The following FAM178B variants were observed in gnomAD, a reference collection of about 807,000 sequenced individuals.
FAM178B encodes family with sequence similarity 178 member B.
FAM178B carries 82 observed loss-of-function variants against 91.7 expected under a neutral mutation model. That is an observed-to-expected ratio of 0.89 (90% CI 0.75 to 1.07). FAM178B has a LOEUF of 1.07. Ranked by LOEUF, FAM178B falls within the 50% of genes least tolerant of loss-of-function variation. The probability of loss-of-function intolerance (pLI) is 0.00; values close to 1 mark genes in which losing one functional copy is unlikely to be tolerated. For missense variants in FAM178B, 769 were observed against 846.7 expected (o/e 0.91, Z 1.14); for synonymous variants, 368 against 359.4 (o/e 1.02, Z -0.27).
chr2:96,975,166 A>G (rs1259862091), intron 1 of FAM178B, among the ~76,000 whole-genome samples: 1 of 151,984 alleles, frequency 6.6e-6, no homozygotes, highest in Non-Finnish European at 1.5e-5. Flanking sequence ...AAAGAACAAA[A>G]AACTTCTGTC....
chr2:96,914,827 C>G (rs2081215087), intron 12 of FAM178B, among the ~76,000 whole-genome samples: 1 of 152,166 alleles, frequency 6.6e-6, no homozygotes, highest in Non-Finnish European at 1.5e-5. Context: ...GAGGTCGAAG[C>G]TGCAGTGAGC....
chr2:96,936,714 T>C (rs1244543981), intron 8 of FAM178B, among the ~76,000 whole-genome samples: 2 of 152,050 alleles, frequency 1.3e-5, no homozygotes, highest in African/African-American at 4.8e-5. Flanking sequence ...TTTTGCCATG[T>C]TGGCCAGGCT....
At chr2:96,935,338 G>A (rs1038485135) in intron 8 of FAM178B, among the ~76,000 whole-genome samples, 1 of 152,184 alleles carries the variant, frequency 6.6e-6, no homozygotes, top group Non-Finnish European at 1.5e-5. Context: ...GCTGTTCTTA[G>A]CATGTGCCTC....
intron 10 of FAM178B, 126 bp from the exon 11 acceptor site, chr2:96,921,780 G>A (rs1168575762): frequency 8.3e-6 from 8 of 964,826 alleles, no homozygotes; most frequent in Non-Finnish European, 1.2e-5. Flanking sequence ...GCCATGTTGG[G>A]TAGGAGCTCA....
At chr2:96,928,191 G>A (rs866523185) in intron 9 of FAM178B, among the ~76,000 whole-genome samples, 1 of 152,148 alleles carries the variant, frequency 6.6e-6, no homozygotes, top group African/African-American at 2.4e-5. Flanking sequence ...ACCTCCTGGC[G>A]CTGACGGATT....
intron 8 of FAM178B, among the ~76,000 whole-genome samples, chr2:96,941,124 A>T (rs1016702352): frequency 5.9e-5 from 9 of 152,254 alleles, no homozygotes; most frequent in African/African-American, 1.7e-4. Flanking sequence ...TTGTGTATTC[A>T]TTTTGTGCCG....
At chr2:96,895,803 C>T (rs984861308) in intron 13 of FAM178B, among the ~76,000 whole-genome samples, 4 of 152,250 alleles carry the variant, frequency 2.6e-5, no homozygotes, top group Non-Finnish European at 5.9e-5. Flanking sequence ...CTGGCTGGCA[C>T]ACCTGGCTTC....
At chr2:96,922,830 C>T (rs967619663) in intron 10 of FAM178B, among the ~76,000 whole-genome samples, 11 of 151,890 alleles carry the variant, frequency 7.2e-5, no homozygotes, top group African/African-American at 2.2e-4. Context: ...TCAGCCTCCA[C>T]GCCTGGCTAA....
At chr2:96,881,537 G>C (rs1247024530) in intron 14 of FAM178B, among the ~76,000 whole-genome samples, 2 of 152,034 alleles carry the variant, frequency 1.3e-5, no homozygotes, top group Admixed American at 6.6e-5. Flanking sequence ...TGGGCTCTCG[G>C]GGGAGTCTCT....
At chr2:96,890,362 GC>G (rs1479757282) in intron 14 of FAM178B, among the ~76,000 whole-genome samples, 1 of 152,178 alleles carries the variant, frequency 6.6e-6, no homozygotes, top group Admixed American at 6.5e-5. Context: ...TACTTGGGAC[GC>G]TGAGGTAGGA....
chr2:96,889,635 G>A (rs1274742631), intron 14 of FAM178B, among the ~76,000 whole-genome samples: 2 of 151,056 alleles, frequency 1.3e-5, no homozygotes, highest in East Asian at 1.9e-4. Flanking sequence ...CCAAGATTGT[G>A]CCATTGCACT....
At chr2:96,914,985 G>T (rs928399911) in intron 12 of FAM178B, among the ~76,000 whole-genome samples, 1 of 152,136 alleles carries the variant, frequency 6.6e-6, no homozygotes, top group African/African-American at 2.4e-5. Flanking sequence ...GGGCAGGGGT[G>T]GGGGGCAATG....
At chr2:96,977,056 G>A (rs1049787681) in intron 1 of FAM178B, among the ~76,000 whole-genome samples, 10 of 150,364 alleles carry the variant, frequency 6.7e-5, no homozygotes, top group African/African-American at 2.4e-4. Context: ...TTAGCTGGGC[G>A]TGGTGGCAGG....
chr2:96,977,428 C>T (rs1035263268), intron 1 of FAM178B, among the ~76,000 whole-genome samples: 36 of 143,206 alleles, frequency 2.5e-4, no homozygotes, highest in East Asian at 2.2e-3. Flanking sequence ...AAAAGAAAAA[C>T]GTGAACGACC....
intron 4 of FAM178B, among the ~76,000 whole-genome samples, chr2:96,970,463 G>C (rs2082202092): frequency 6.6e-6 from 1 of 152,204 alleles, no homozygotes; most frequent in South Asian, 2.1e-4. Context: ...GGCAGGAGTT[G>C]GGCAGAATGG....
In FAM178B at chr2:96,902,611, A is replaced by C. The variant is rs2080955333; in HGVS notation, c.1650+9T>G. The C allele has an allele frequency of 1.3e-6, 2 of 1,546,988 alleles. No individual in the cohort carries two copies. Among genetic ancestry groups the C allele is most frequent in the South Asian group, 1.2e-5 (1 of 83,960 alleles). On this transcript the variant is annotated intron_variant, in intron 13 of 16. Transcript: ENST00000490605. ...GGCCTTCCTGCCCAGGCCTGAAGCA[A>C]ACACTCACCTGGGTCTTCTCTTGCC...
At chr2:96,960,213 C>T in intron 6 of FAM178B, 75 bp downstream of exon 6, 1 of 1,502,822 alleles carries the variant, frequency 6.7e-7, no homozygotes, top group Non-Finnish European at 8.9e-7. Flanking sequence ...TGGGGTGGCC[C>T]TTATCCCTGG....
chr2:96,905,733 T>A (rs1232427100), intron 12 of FAM178B, among the ~76,000 whole-genome samples: 2 of 144,052 alleles, frequency 1.4e-5, no homozygotes, highest in Non-Finnish European at 3.0e-5. Context: ...GGTTGGGAGT[T>A]CAAGACCAGC....
intron 16 of FAM178B, among the ~76,000 whole-genome samples, chr2:96,876,993 G>A (rs1391642375): frequency 6.6e-6 from 1 of 152,146 alleles, no homozygotes; most frequent in East Asian, 1.9e-4. Context: ...GCGTGATGGG[G>A]GGCAAGCCAC....
Sources: allele counts gnomAD v4.1 joint callset (sites outside exome capture counted in the v4.1 genomes callset), GRCh38; gene constraint gnomAD v4.1.1; transcripts MANE v1.5; gene names NCBI Gene and HGNC (gene_info 2026-07-23, HGNC 2026-07-21).